Variants in NRG3 observed in about 807,000 individuals in gnomAD.
NRG3 encodes pro-neuregulin-3, membrane-bound isoform.
Under a neutral mutation model 66.9 loss-of-function variants are expected in NRG3, and 31 were observed. The ratio of observed to expected loss-of-function variants is 0.46; its 90% CI spans 0.35 to 0.63. The LOEUF (loss-of-function observed/expected upper bound fraction) is 0.63. Among genes scored for constraint, NRG3 ranks in the 20% least tolerant of loss-of-function variants. The probability of loss-of-function intolerance (pLI) is 0.00; values close to 1 mark genes in which losing one functional copy is unlikely to be tolerated. For missense variants in NRG3, 910 were observed against 878.9 expected (o/e 1.04, Z -0.45); for synonymous variants, 393 against 359.4 (o/e 1.09, Z -1.06).
At chr10:82,919,322 G>T (rs1050038211) in intron 4 of NRG3, among the ~76,000 whole-genome samples, 1 of 152,096 alleles carries the variant, frequency 6.6e-6, no homozygotes, top group Non-Finnish European at 1.5e-5. Flanking sequence ...AGAGAGCAAA[G>T]CAGTTTCTCC....
At chr10:82,307,982 C>T (rs1196546782) in intron 1 of NRG3, among the ~76,000 whole-genome samples, 2 of 151,942 alleles carry the variant, frequency 1.3e-5, no homozygotes, top group African/African-American at 4.8e-5. Flanking sequence ...CAGTATTTCT[C>T]ACTTGTGAGT....
intron 3 of NRG3, among the ~76,000 whole-genome samples, chr10:82,762,441 G>A (rs898016687): frequency 6.6e-6 from 1 of 152,118 alleles, no homozygotes; most frequent in Non-Finnish European, 1.5e-5. Context: ...TTACTTTAAA[G>A]CATAGGCCAT....
chr10:81,934,006 T>C (rs1216184845), intron 1 of NRG3, among the ~76,000 whole-genome samples: 2 of 152,156 alleles, frequency 1.3e-5, no homozygotes, highest in Non-Finnish European at 2.9e-5. Context: ...TGAAAACCAT[T>C]TGGATATTGT....
intron 3 of NRG3, among the ~76,000 whole-genome samples, chr10:82,821,855 A>C (rs1173811892): frequency 6.6e-6 from 1 of 152,196 alleles, no homozygotes; most frequent in Non-Finnish European, 1.5e-5. Context: ...TCAATGTATA[A>C]TTGAACCTTC....
At chr10:81,905,259 T>G (rs1844480649) in intron 1 of NRG3, among the ~76,000 whole-genome samples, 1 of 152,230 alleles carries the variant, frequency 6.6e-6, no homozygotes, top group Non-Finnish European at 1.5e-5. Flanking sequence ...CTTCCCCTTG[T>G]GGAAAATCAC....
intron 1 of NRG3, among the ~76,000 whole-genome samples, chr10:82,207,395 TGTCCA>T (rs2075171989): frequency 6.6e-6 from 1 of 152,208 alleles, no homozygotes; most frequent in Admixed American, 6.5e-5. Context: ...TTACTTTACC[TGTCCA>T]TGATATAACT....
intron 1 of NRG3, among the ~76,000 whole-genome samples, chr10:82,298,171 A>G (rs1034542911): frequency 2.8e-5 from 4 of 143,570 alleles, no homozygotes; most frequent in African/African-American, 1.0e-4. Flanking sequence ...AGAGAGAGGG[A>G]GAGAAAGAGA....
chr10:82,479,340 C>T (rs541697644), intron 2 of NRG3, among the ~76,000 whole-genome samples: 6 of 152,136 alleles, frequency 3.9e-5, no homozygotes, highest in African/African-American at 1.4e-4. Flanking sequence ...ACATACACAT[C>T]ACACCTATAG....
At chr10:82,570,454 T>C (rs1163277134) in intron 2 of NRG3, among the ~76,000 whole-genome samples, 3 of 151,684 alleles carry the variant, frequency 2.0e-5, no homozygotes, top group Non-Finnish European at 4.4e-5. Context: ...AGAGGTGATC[T>C]TTTTTATATC....
rs190022926 is a variant in NRG3, at chr10:82,614,587, A to C, written c.954-123990A>C. Among the ~76,000 whole-genome samples, 388 of 152,304 alleles carry C rather than the reference A, an allele frequency of 2.5e-3. 1 individual carries two copies. The highest frequency in any genetic ancestry group is 8.6e-3 in the African/African-American group (359 of 41,574). Reference sequence around the variant, plus strand: ...ATGCTTTATTAATGATTTTTTTAACAGTCAAGGAAACTGAAATTAACAAAA... The same window carrying C: ...ATGCTTTATTAATGATTTTTTTAACCGTCAAGGAAACTGAAATTAACAAAA... On this transcript the variant is annotated intron_variant, in intron 2 of 8. Transcript: ENST00000372141.
At chr10:81,958,340 A>G (rs1235433062) in intron 1 of NRG3, among the ~76,000 whole-genome samples, 2 of 152,330 alleles carry the variant, frequency 1.3e-5, no homozygotes, top group Non-Finnish European at 2.9e-5. Flanking sequence ...TTTATAAGCT[A>G]TTGTTATGTT....
chr10:82,220,999 A>G (rs1260622558), intron 1 of NRG3, among the ~76,000 whole-genome samples: 1 of 152,160 alleles, frequency 6.6e-6, no homozygotes, highest in East Asian at 1.9e-4. Flanking sequence ...AAAATAAAAC[A>G]ACAGTTGTTC....
intron 3 of NRG3, among the ~76,000 whole-genome samples, chr10:82,835,623 G>A (rs755494195): frequency 6.6e-6 from 1 of 152,078 alleles, no homozygotes; most frequent in Non-Finnish European, 1.5e-5. Context: ...GGTTGGCAGA[G>A]GCTGACTAGA....
At chr10:82,621,554 T>C (rs1163741251) in intron 2 of NRG3, among the ~76,000 whole-genome samples, 1 of 152,194 alleles carries the variant, frequency 6.6e-6, no homozygotes, top group Non-Finnish European at 1.5e-5. Context: ...CATGTGGGGA[T>C]GATCAAAAGA....
At chr10:82,408,129 A>AAGAAAGAAAGAAAG (rs1267460042) in intron 2 of NRG3, among the ~76,000 whole-genome samples, 1 of 128,986 alleles carries the variant, frequency 7.8e-6, no homozygotes, top group East Asian at 3.0e-4. Context: ...GAAAGAAAGA[A>AAGAAAGAAAGAAAG]AGAAAGAAAG....
intron 2 of NRG3, among the ~76,000 whole-genome samples, chr10:82,463,713 T>A (rs1192051502): frequency 6.6e-6 from 1 of 152,204 alleles, no homozygotes; most frequent in East Asian, 1.9e-4. Flanking sequence ...AGCTACCACA[T>A]GGCAGAGAAC....
chr10:82,014,757 G>A (rs1157534293), intron 1 of NRG3, among the ~76,000 whole-genome samples: 4 of 152,114 alleles, frequency 2.6e-5, no homozygotes, highest in African/African-American at 4.8e-5. Flanking sequence ...CAGACTGTAG[G>A]GCAGATTCTC....
chr10:81,955,437 A>G (rs971908136), intron 1 of NRG3, among the ~76,000 whole-genome samples: 2 of 151,962 alleles, frequency 1.3e-5, no homozygotes, highest in Non-Finnish European at 2.9e-5. Context: ...GTGGCCATTT[A>G]TTTTAGTTCT....
At chr10:82,913,211 C>T (rs1016131387) in intron 4 of NRG3, among the ~76,000 whole-genome samples, 10 of 151,808 alleles carry the variant, frequency 6.6e-5, no homozygotes, top group South Asian at 6.2e-4. Context: ...GGTGACAGAG[C>T]GAGACTCAAT....
Sources: gnomAD v4.1 joint callset for allele counts (sites outside exome capture counted in the v4.1 genomes callset) on GRCh38, gnomAD v4.1.1 for gene constraint, MANE v1.5 for transcripts, NCBI Gene and HGNC (gene_info 2026-07-23, HGNC 2026-07-21) for gene names.